Variants in KLF17 observed in about 807,000 individuals in gnomAD.
KLF17 encodes the protein KLF transcription factor 17, also known as Krueppel-like factor 17.
In KLF17, 31 loss-of-function variants were observed where a neutral mutation model predicts 34.2. The observed-to-expected ratio is 0.91, with a 90% CI of 0.68 to 1.22. The LOEUF (loss-of-function observed/expected upper bound fraction) is 1.22, where lower values mean the gene tolerates loss of function less well. Among genes scored for constraint, KLF17 ranks in the 50% most tolerant of loss-of-function variants. The pLI is 0.00. For missense variants in KLF17, 478 were observed against 505.2 expected, an observed-to-expected ratio of 0.95 and a Z score of 0.52; for synonymous variants, 179 against 186.7, an observed-to-expected ratio of 0.96 and a Z score of 0.34.
At chr1:44,131,116 G>A (rs1275612041) in intron 3 of KLF17, among the ~76,000 whole-genome samples, 1 of 152,164 alleles carries the variant, frequency 6.6e-6, no homozygotes, top group Non-Finnish European at 1.5e-5. Flanking sequence ...TTTCTACACA[G>A]ATCCTACCTG....
chr1:44,087,429 CA>C, the KLF17 span, among the ~76,000 whole-genome samples: 60 of 150,860 alleles, frequency 4.0e-4, 2 homozygotes, highest in East Asian at 1.8e-3. Flanking sequence ...CTAATTAAAA[CA>C]AAAAAAAATT....
At chr1:44,063,156 A>G in the KLF17 span, among the ~76,000 whole-genome samples, 2 of 152,218 alleles carry the variant, frequency 1.3e-5, no homozygotes, top group Non-Finnish European at 2.9e-5. Context: ...TACACACTGT[A>G]TGATTGCAAT....
At chr1:44,106,564 T>C in the KLF17 span, 1 of 152,212 alleles carries the variant, frequency 6.6e-6, no homozygotes, top group African/African-American at 2.4e-5. Flanking sequence ...TCTCTCCATA[T>C]AGAAATTCTT....
the KLF17 span, among the ~76,000 whole-genome samples, chr1:44,096,971 T>G: frequency 6.6e-6 from 1 of 152,246 alleles, no homozygotes; most frequent in Admixed American, 6.5e-5. Context: ...GTCTTACATT[T>G]AAGTCTTTAA....
At chr1:44,126,184 T>C (rs6663757) in intron 1 of KLF17, among the ~76,000 whole-genome samples, 58,544 of 151,894 alleles carry the variant, frequency 0.39, 12,104 homozygotes, top group African/African-American at 0.54. Context: ...CCAGCACACC[T>C]GGCTAATTTT....
the KLF17 span, among the ~76,000 whole-genome samples, chr1:44,048,917 AT>A: frequency 6.6e-6 from 1 of 152,268 alleles, no homozygotes; most frequent in Non-Finnish European, 1.5e-5. Flanking sequence ...AATCATAAGC[AT>A]ATAGCTTAAT....
chr1:44,127,135 C>T (rs1488339079), intron 1 of KLF17, among the ~76,000 whole-genome samples: 2 of 150,584 alleles, frequency 1.3e-5, no homozygotes, highest in Non-Finnish European at 2.9e-5. Flanking sequence ...TCTTGAACTC[C>T]TGGACTCAAG....
chr1:44,123,368 A>C (rs2087971645), intron 1 of KLF17, among the ~76,000 whole-genome samples: 1 of 152,144 alleles, frequency 6.6e-6, no homozygotes, highest in African/African-American at 2.4e-5. Context: ...TGTTTCTAGG[A>C]ATTTGTCCAT....
At chr1:44,059,397 A>C in the KLF17 span, among the ~76,000 whole-genome samples, 1 of 152,090 alleles carries the variant, frequency 6.6e-6, no homozygotes, top group East Asian at 1.9e-4. Flanking sequence ...TTTCCTCATT[A>C]CCCTGATCCA....
the KLF17 span, among the ~76,000 whole-genome samples, chr1:44,074,330 A>G: frequency 6.6e-6 from 1 of 151,874 alleles, no homozygotes; most frequent in Admixed American, 6.6e-5. Flanking sequence ...GTCCCCATCA[A>G]CATCCCCTCT....
At chr1:44,103,597 T>C in the KLF17 span, 539,208 of 1,597,536 alleles carry the variant, frequency 0.34, 92,616 homozygotes, top group Middle Eastern at 0.4. Flanking sequence ...AGCAGCTTCC[T>C]GTAGGTGGCG....
the KLF17 span, among the ~76,000 whole-genome samples, chr1:44,108,063 C>G: frequency 4.6e-5 from 7 of 152,314 alleles, no homozygotes; most frequent in East Asian, 1.3e-3. Context: ...AAGGCAGTGA[C>G]TGGAGGAAAA....
At chr1:44,118,078 C>T (rs977823590), upstream of KLF17, among the ~76,000 whole-genome samples, 2 of 152,160 alleles carry the variant, frequency 1.3e-5, no homozygotes, top group Non-Finnish European at 2.9e-5. Flanking sequence ...TGCCTTAGAG[C>T]CCTTCAATCT....
At chr1:44,082,577 A>G in the KLF17 span, among the ~76,000 whole-genome samples, 1 of 152,246 alleles carries the variant, frequency 6.6e-6, no homozygotes, top group Non-Finnish European at 1.5e-5. Context: ...AACAGATTCA[A>G]CACTCAGAGA....
At chr1:44,068,131 TCTC>T in the KLF17 span, among the ~76,000 whole-genome samples, 1 of 152,052 alleles carries the variant, frequency 6.6e-6, no homozygotes, top group Non-Finnish European at 1.5e-5. Flanking sequence ...TTCAAGCAAT[TCTC>T]CTGCCTCAGC....
chr1:44,067,610 G>T, the KLF17 span, among the ~76,000 whole-genome samples: 2 of 152,214 alleles, frequency 1.3e-5, no homozygotes, highest in Non-Finnish European at 2.9e-5. Context: ...TTATACCACA[G>T]AATTTGTTTC....
At chr1:44,107,366 A>G in the KLF17 span, among the ~76,000 whole-genome samples, 1 of 152,106 alleles carries the variant, frequency 6.6e-6, no homozygotes, top group Non-Finnish European at 1.5e-5. Flanking sequence ...CGGCTTCCCA[A>G]AGTGCTGGGA....
At chr1:44,069,839 C>T in the KLF17 span, 2 of 152,282 alleles carry the variant, frequency 1.3e-5, no homozygotes, top group Non-Finnish European at 2.9e-5. This position sits in a 1 kb window ranked among gnomAD's most constrained non-coding sequence, Gnocchi z 4.7. Context: ...CAAAAGGTGC[C>T]AACTTCCTCT....
chr1:44,099,853 GAAAGAAA>G, the KLF17 span, among the ~76,000 whole-genome samples: 1 of 39,946 alleles, frequency 2.5e-5, no homozygotes, highest in Non-Finnish European at 5.0e-5. Context: ...AAGAAAGAAA[GAAAGAAA>G]GAAAGAAAGA....
Sources: gnomAD v4.1 joint callset for allele counts (sites outside exome capture counted in the v4.1 genomes callset) on GRCh38, gnomAD v4.1.1 for gene constraint, Gnocchi (gnomAD v3.1) non-coding constraint, MANE v1.5 for transcripts, NCBI Gene and HGNC (gene_info 2026-07-23, HGNC 2026-07-21) for gene names.